The following NKAIN3 variants were observed in gnomAD, a reference collection of about 807,000 sequenced individuals.
The protein encoded by NKAIN3 is sodium/potassium transporting ATPase interacting 3.
NKAIN3 carries 25 observed loss-of-function variants against 30.2 expected under a neutral mutation model. The ratio of observed to expected loss-of-function variants is 0.83; its 90% CI spans 0.60 to 1.16. The LOEUF is 1.16. Ranked by LOEUF, NKAIN3 falls within the 50% of genes most tolerant of loss-of-function variation. NKAIN3 has a pLI of 0.00. For missense variants in NKAIN3, 225 were observed against 254.1 expected (o/e 0.89, Z 0.78); for synonymous variants, 91 against 89.6 (o/e 1.02, Z -0.09).
At chr8:62,435,068 G>C (rs1805127124) in intron 1 of NKAIN3, among the ~76,000 whole-genome samples, 2 of 152,112 alleles carry the variant, frequency 1.3e-5, no homozygotes, top group Non-Finnish European at 2.9e-5. Flanking sequence ...AGGAGAAGAG[G>C]GTGGAAATAA....
chr8:62,414,207 A>G (rs187182857), intron 1 of NKAIN3, among the ~76,000 whole-genome samples: 173 of 152,302 alleles, frequency 1.1e-3, no homozygotes, highest in African/African-American at 4.1e-3. Flanking sequence ...TATATTTACC[A>G]TAGATTGCTT....
At chr8:62,829,328 T>A (rs926402984) in intron 4 of NKAIN3, among the ~76,000 whole-genome samples, 1 of 152,154 alleles carries the variant, frequency 6.6e-6, no homozygotes, top group Non-Finnish European at 1.5e-5. Context: ...TCCCACATGG[T>A]TCTTCTGCAT....
At chr8:62,679,413 C>A (rs1224527225) in intron 3 of NKAIN3, among the ~76,000 whole-genome samples, 1 of 152,114 alleles carries the variant, frequency 6.6e-6, no homozygotes, top group Non-Finnish European at 1.5e-5. Context: ...GTAGATGGAT[C>A]CTCCAAAGAT....
intron 3 of NKAIN3, among the ~76,000 whole-genome samples, chr8:62,714,508 G>T (rs1004249736): frequency 1.3e-5 from 2 of 151,870 alleles, no homozygotes; most frequent in African/African-American, 4.8e-5. Flanking sequence ...ACTTTATATG[G>T]GTTGTCCCAT....
chr8:62,313,574 T>C (rs925999778), intron 1 of NKAIN3, among the ~76,000 whole-genome samples: 7 of 152,290 alleles, frequency 4.6e-5, no homozygotes, highest in African/African-American at 1.2e-4. Context: ...AAAGCTATTA[T>C]TAATTATAAG....
chr8:62,283,586 C>G (rs866015451), intron 1 of NKAIN3, among the ~76,000 whole-genome samples: 1 of 151,942 alleles, frequency 6.6e-6, no homozygotes, highest in African/African-American at 2.4e-5. Flanking sequence ...AAGTTATATA[C>G]CATATTTTTT....
At chr8:62,257,480 G>A (rs984030293) in intron 1 of NKAIN3, among the ~76,000 whole-genome samples, 5 of 152,142 alleles carry the variant, frequency 3.3e-5, no homozygotes, top group Admixed American at 2.6e-4. Flanking sequence ...GCCCTGCCAA[G>A]AGATGTATTG....
intron 6 of NKAIN3, among the ~76,000 whole-genome samples, chr8:62,961,212 A>G (rs566389287): frequency 3.3e-5 from 5 of 152,148 alleles, no homozygotes; most frequent in Non-Finnish European, 4.4e-5. Flanking sequence ...ACCCGGAGGC[A>G]GAGGTTTCAG....
rs1823748381 is a variant in NKAIN3, at chr8:62,967,946, A to G, written c.*2539A>G. ...AGTGCAGATAACAGCTTTGAGGAAAAAATCCTTACCTTAGTGATTTGTCTA... is the reference window on the plus strand; with the variant it reads ...AGTGCAGATAACAGCTTTGAGGAAAGAATCCTTACCTTAGTGATTTGTCTA... On this transcript the variant is annotated 3_prime_UTR_variant, in exon 7 of 7. Coordinates refer to ENST00000623646, the MANE Select transcript of NKAIN3 (RefSeq NM_001304533.3). Among the ~76,000 whole-genome samples, 1 of 152,198 alleles carries G rather than the reference A, an allele frequency of 6.6e-6. No individual in the cohort carries two copies. The highest frequency in any genetic ancestry group is 1.5e-5 in the Non-Finnish European group (1 of 68,028).
intron 4 of NKAIN3, among the ~76,000 whole-genome samples, chr8:62,811,056 T>C (rs1818469836): frequency 6.6e-6 from 1 of 152,092 alleles, no homozygotes; most frequent in Admixed American, 6.6e-5. Flanking sequence ...CTCCTTTCCT[T>C]CCCAACCCCA....
At chr8:62,369,941 T>G (rs1030781359) in intron 1 of NKAIN3, among the ~76,000 whole-genome samples, 1 of 152,058 alleles carries the variant, frequency 6.6e-6, no homozygotes, top group Non-Finnish European at 1.5e-5. Flanking sequence ...CTTAAAGAAC[T>G]TTGAGATTAA....
intron 3 of NKAIN3, among the ~76,000 whole-genome samples, chr8:62,621,579 A>G (rs926882660): frequency 2.6e-5 from 4 of 152,050 alleles, no homozygotes; most frequent in South Asian, 2.1e-4. Context: ...GCATTTTCCT[A>G]TGTCATAAAT....
At chr8:62,373,934 G>A (rs1816985342) in intron 1 of NKAIN3, among the ~76,000 whole-genome samples, 1 of 151,764 alleles carries the variant, frequency 6.6e-6, no homozygotes, top group Admixed American at 6.6e-5. Context: ...GCAACATGGT[G>A]AAACCCCGTC....
intron 3 of NKAIN3, among the ~76,000 whole-genome samples, chr8:62,731,132 C>T (rs542054952): frequency 2.2e-4 from 33 of 152,004 alleles, no homozygotes; most frequent in East Asian, 7.8e-4. Context: ...GAAGACCTGG[C>T]GCTTTTTAGT....
intron 1 of NKAIN3, among the ~76,000 whole-genome samples, chr8:62,533,017 T>C (rs1159744464): frequency 6.6e-6 from 1 of 152,206 alleles, no homozygotes; most frequent in Non-Finnish European, 1.5e-5. Flanking sequence ...ACTTAGATAC[T>C]ATTTTCAGAC....
At chr8:62,846,107 CAG>C (rs2130766451) in intron 4 of NKAIN3, among the ~76,000 whole-genome samples, 1 of 151,956 alleles carries the variant, frequency 6.6e-6, no homozygotes, top group South Asian at 2.1e-4. Context: ...ACACAGCTAT[CAG>C]AGAGGAATAA....
chr8:62,651,585 G>C (rs1812619060), intron 3 of NKAIN3, among the ~76,000 whole-genome samples: 1 of 152,162 alleles, frequency 6.6e-6, no homozygotes, highest in South Asian at 2.1e-4. Context: ...TTTGGTGTCT[G>C]GTGAGGGCCT....
At chr8:62,618,433 G>C (rs1231293326) in intron 3 of NKAIN3, among the ~76,000 whole-genome samples, 1 of 152,156 alleles carries the variant, frequency 6.6e-6, no homozygotes, top group Admixed American at 6.6e-5. Context: ...ACAAAGTCAA[G>C]CCAGTTCAAA....
chr8:62,830,632 G>C (rs571384966), intron 4 of NKAIN3, among the ~76,000 whole-genome samples: 1 of 152,234 alleles, frequency 6.6e-6, no homozygotes, highest in South Asian at 2.1e-4. Context: ...CTGAGCAGCA[G>C]GGCCCTCTCC....
Sources: gnomAD v4.1 joint callset for allele counts (sites outside exome capture counted in the v4.1 genomes callset) on GRCh38, gnomAD v4.1.1 for gene constraint, MANE v1.5 for transcripts, NCBI Gene and HGNC (gene_info 2026-07-23, HGNC 2026-07-21) for gene names.